STX11: variants seen among roughly 807,000 people sequenced by gnomAD.
STX11 encodes syntaxin-11.
In STX11, 21 loss-of-function variants were observed where a neutral mutation model predicts 19.9. The ratio of observed to expected loss-of-function variants is 1.06; its 90% confidence interval spans 0.75 to 1.52. The LOEUF (loss-of-function observed/expected upper bound fraction) is 1.52. STX11 is among the 40% of genes most tolerant of loss of function. The probability of loss-of-function intolerance (pLI) is 0.00; values close to 1 mark genes in which losing one functional copy is unlikely to be tolerated. For synonymous variants in STX11, 193 were observed against 174.4 expected, an observed-to-expected ratio of 1.11 and a Z score of -0.84; for missense variants, 438 against 405.9, an observed-to-expected ratio of 1.08 and a Z score of -0.68.
intron 1 of STX11, among the ~76,000 whole-genome samples, chr6:144,158,970 C>G (rs1426049897): frequency 6.6e-6 from 1 of 152,200 alleles, no homozygotes; most frequent in Non-Finnish European, 1.5e-5. Context: ...AGGATCAGCT[C>G]AGACACCACC....
At chr6:144,150,144 C>G (rs1188665032), upstream of STX11, among the ~76,000 whole-genome samples, 1 of 152,168 alleles carries the variant, frequency 6.6e-6, no homozygotes, top group Non-Finnish European at 1.5e-5. Flanking sequence ...CGCTCAGAGA[C>G]GGCTTCCAGC....
At chr6:144,164,321 A>G (rs948445747) in intron 1 of STX11, among the ~76,000 whole-genome samples, 2 of 152,224 alleles carry the variant, frequency 1.3e-5, no homozygotes, top group Admixed American at 1.3e-4. Context: ...GAATTGAGGT[A>G]TTTTAATATT....
chr6:144,174,929 T>C lies in STX11; in HGVS notation c.-5-11694T>C, dbSNP rs1418260130. The stretch of plus-strand genomic sequence containing the variant: ...AGAGGGGATCACTTGTGCTCCAGAG[T>C]TTGAGACCAGCCTGGGCAACAGGCA... On this transcript the variant is annotated intron_variant, in intron 1 of 1. Coordinates refer to ENST00000367568, the MANE Select transcript of STX11 (RefSeq NM_003764.4). This position sits in a 1 kb window ranked among gnomAD's most constrained non-coding sequence, Gnocchi z 5.3. 6.6e-6 allele frequency among the ~76,000 whole-genome samples: 1 copy of C among 152,062 alleles called. No individual in the cohort carries two copies. The highest frequency in any genetic ancestry group is 1.5e-5 in the Non-Finnish European group (1 of 67,998).
rs371929203 is a variant in STX11 at position 144,187,208 on chromosome 6, T to G, written c.581T>G (p.Leu194Arg). Reference protein sequence around the residue: ...GKWDVFSENLLADVKGARAAL... With the variant: ...GKWDVFSENLRADVKGARAAL... The stretch of plus-strand genomic sequence containing the variant: ...TGGGACGTGTTTTCCGAGAACTTGC[T>G]GGCCGACGTGAAGGGCGCGCGGGCC... Residue 194 changes from leucine to arginine, a missense_variant, in exon 2 of 2, where the codon CTG becomes CGG. Physicochemically the swap from Leu to Arg is moderately radical, Grantham distance 102. Transcript: ENST00000367568. The surrounding 1 kb of genome is among the most constrained non-coding windows in gnomAD (Gnocchi z 5.6). The G allele has an allele frequency of 1.2e-6, 2 of 1,613,938 alleles. No homozygotes were observed. Among genetic ancestry groups the G allele is most frequent in the Non-Finnish European group, 1.7e-6 (2 of 1,179,976 alleles).
chr6:144,187,859 A>G lies in STX11; in HGVS notation c.*368A>G, dbSNP rs1802104648. 2 of 395,558 alleles carry G rather than the reference A, an allele frequency of 5.1e-6. No homozygotes were observed. The highest frequency in any genetic ancestry group is 9.7e-6 in the Non-Finnish European group (2 of 207,120). The allele number at this position is 395,558 out of a possible 1,614,324, so 24.5% of individuals were successfully genotyped here. On this transcript the variant is annotated 3_prime_UTR_variant, in exon 2 of 2. Coordinates refer to ENST00000367568, the MANE Select transcript of STX11 (RefSeq NM_003764.4). The surrounding 1 kb of genome is among the most constrained non-coding windows in gnomAD (Gnocchi z 5.6). ...GACTCAAGGAGGAAGTCAATTGGGC[A>G]TCTGCTAATAGAATGAACTCATGAT... is the stretch of plus-strand genomic sequence containing the variant.
At chr6:144,147,604 G>A (rs1291728232), upstream of STX11, among the ~76,000 whole-genome samples, 2 of 152,026 alleles carry the variant, frequency 1.3e-5, no homozygotes, top group Non-Finnish European at 2.9e-5. This position sits in a 1 kb window ranked among gnomAD's most constrained non-coding sequence, Gnocchi z 4.2. Flanking sequence ...CACCATCCCA[G>A]ACTCACCTAA....
intron 1 of STX11, among the ~76,000 whole-genome samples, chr6:144,186,172 T>TG (rs1340229274): frequency 2.6e-5 from 2 of 75,642 alleles, no homozygotes; most frequent in African/African-American, 5.4e-5. Flanking sequence ...TGTTGTGGGG[T>TG]GGGGGGAGGG....
In STX11 at chr6:144,186,726, C is replaced by G. The variant is rs756068979; in HGVS notation, c.99C>G (p.Ile33Met). ...DDEFDSPHEDIVFETDHILES... is the reference protein window; with the variant it reads ...DDEFDSPHEDMVFETDHILES... ...AGTTTGACTCGCCCCACGAGGACATCGTGTTCGAGACGGACCACATCCTGG... is the reference window on the plus strand; with the variant it reads ...AGTTTGACTCGCCCCACGAGGACATGGTGTTCGAGACGGACCACATCCTGG... The change falls in exon 2 of 2, where the codon ATC becomes ATG. Residue 33 changes from isoleucine to methionine, a missense_variant. By Grantham distance (10) the Ile-to-Met change is conservative (BLOSUM62 1). Transcript: ENST00000367568. 4 of 1,614,194 alleles carry G rather than the reference C, an allele frequency of 2.5e-6. No individual in the cohort carries two copies. The South Asian group carries it at 4.4e-5, about 18-fold the overall frequency.
At position 144,150,635 on chromosome 6, in the gene STX11, G is replaced by C. The variant is rs907745262; in HGVS notation, c.-74G>C. On this transcript the variant is annotated 5_prime_UTR_variant, in exon 1 of 2. Transcript: ENST00000367568. ...GCAACAGGTTTCCTTCTCCATCGCTGCGCCCACAGGGGACGCGCGCCCTGC... is the reference window on the plus strand; with the variant it reads ...GCAACAGGTTTCCTTCTCCATCGCTCCGCCCACAGGGGACGCGCGCCCTGC... 4.1e-5 allele frequency: 40 copies of C among 985,322 alleles called. No individual in the cohort carries two copies. The highest frequency in any genetic ancestry group is 4.8e-5 in the Non-Finnish European group (40 of 829,964). 61.0% of individuals were successfully genotyped at this position (985,322 alleles called of 1,614,324 possible). A position where few individuals can be genotyped will look rare whatever the true frequency, so the allele number is the denominator to read the frequency against.
rs993592346 is a variant in STX11, at chr6:144,154,193, G to A, written c.-6+3490G>A. ...CTGAAGCACCCTGCTGTGATGTGCTGTCTTGATGAATGAATCAATGAGGTT... is the reference window on the plus strand; with the variant it reads ...CTGAAGCACCCTGCTGTGATGTGCTATCTTGATGAATGAATCAATGAGGTT... On this transcript the variant is annotated intron_variant, in intron 1 of 1. Coordinates refer to ENST00000367568, the MANE Select transcript of STX11 (RefSeq NM_003764.4). The surrounding 1 kb of genome is among the most constrained non-coding windows in gnomAD (Gnocchi z 4.7). Among the ~76,000 whole-genome samples, 1 of 152,204 alleles carries A rather than the reference G, an allele frequency of 6.6e-6. No homozygotes were observed. Among genetic ancestry groups the A allele is most frequent in the Non-Finnish European group, 1.5e-5 (1 of 68,032 alleles).
Position 144,183,210 on chromosome 6 carries a change from A to G in STX11, c.-5-3413A>G, listed in dbSNP as rs1257751716. Among the ~76,000 whole-genome samples the G allele has an allele frequency of 6.6e-6, 1 of 152,224 alleles. No individual in the cohort carries two copies. Among genetic ancestry groups the G allele is most frequent in the Non-Finnish European group, 1.5e-5 (1 of 68,038 alleles). On this transcript the variant is annotated intron_variant, in intron 1 of 1. Transcript: ENST00000367568. This position sits in a 1 kb window ranked among gnomAD's most constrained non-coding sequence, Gnocchi z 4.6. ...TATAATTAACACTTTGATGTGTATT[A>G]CTCAAGTTTCTGTTTCAGAATGCTG...
At chr6:144,140,929 A>G in the STX11 span, 1 of 404,498 alleles carries the variant, frequency 2.5e-6, no homozygotes, top group Non-Finnish European at 3.3e-6. Flanking sequence ...CTTGTTGAAA[A>G]CTAATTATTC....
In STX11 at chr6:144,160,228, A is replaced by G. The variant is rs1584022691; in HGVS notation, c.-6+9525A>G. Among the ~76,000 whole-genome samples the G allele has an allele frequency of 1.3e-5, 2 of 151,612 alleles. No homozygotes were observed. On this transcript the variant is annotated intron_variant, in intron 1 of 1. Coordinates refer to ENST00000367568, the MANE Select transcript of STX11 (RefSeq NM_003764.4). The surrounding 1 kb of genome is among the most constrained non-coding windows in gnomAD (Gnocchi z 4.3). The stretch of plus-strand genomic sequence containing the variant: ...CTATATTTGGCCAGGCTGGTCTCGA[A>G]CTCCTGACCTCAGGTGAACCGCCTG...
At chr6:144,143,387 G>C in the STX11 span, among the ~76,000 whole-genome samples, 1 of 152,112 alleles carries the variant, frequency 6.6e-6, no homozygotes, top group Non-Finnish European at 1.5e-5. Context: ...ATTCAAATTA[G>C]GATAATTCAA....
Position 144,190,620 on chromosome 6 carries a change from A to G in STX11, c.*3129A>G, listed in dbSNP as rs146959067. Among the ~76,000 whole-genome samples, 1 of 151,914 alleles carries G rather than the reference A, an allele frequency of 6.6e-6. No individual in the cohort carries two copies. The highest frequency in any genetic ancestry group is 2.4e-5 in the African/African-American group (1 of 41,392). ...TGACAGTCATAAAGATGTTTTCACT[A>G]TGGCATTTCTATCCCTGTGTATATC... On this transcript the variant is annotated 3_prime_UTR_variant, in exon 2 of 2. Coordinates refer to ENST00000367568, the MANE Select transcript of STX11 (RefSeq NM_003764.4).
rs1437100613 is a variant in STX11 at position 144,175,992 on chromosome 6, G to A, written c.-5-10631G>A. Among the ~76,000 whole-genome samples, 2 of 152,172 alleles carry A rather than the reference G, an allele frequency of 1.3e-5. No homozygotes were observed. Among genetic ancestry groups the A allele is most frequent in the South Asian group, 2.1e-4 (1 of 4,830 alleles). On this transcript the variant is annotated intron_variant, in intron 1 of 1. Transcript: ENST00000367568. This position sits in a 1 kb window ranked among gnomAD's most constrained non-coding sequence, Gnocchi z 5.1. The stretch of plus-strand genomic sequence containing the variant: ...ATTTCACCCACCCCACCCAGGGGTA[G>A]TGCAGAGACAACACAGGTTCTCTGC...
chr6:144,166,854 C>A, intron 1 of STX11, among the ~76,000 whole-genome samples: 1 of 141,460 alleles, frequency 7.1e-6, no homozygotes, highest in East Asian at 2.4e-4. Context: ...CCTTCCCTTC[C>A]CTCCCCTCCC....
intron 1 of STX11, among the ~76,000 whole-genome samples, chr6:144,178,741 C>A (rs2128753884): frequency 6.6e-6 from 1 of 152,248 alleles, no homozygotes; most frequent in Non-Finnish European, 1.5e-5. Flanking sequence ...TAAACCATTT[C>A]AATTAATACT....
chr6:144,174,852 G>T lies in STX11; in HGVS notation c.-5-11771G>T, dbSNP rs1801738409. 6.6e-6 allele frequency among the ~76,000 whole-genome samples: 1 copy of T among 152,120 alleles called. No homozygotes were observed. Among genetic ancestry groups the T allele is most frequent in the African/African-American group, 2.4e-5 (1 of 41,422 alleles). The stretch of plus-strand genomic sequence containing the variant: ...TCTGGTACTACAATACTAACATTAG[G>T]CCAGGCACAGTGGCACACATCTGTA... On this transcript the variant is annotated intron_variant, in intron 1 of 1. Coordinates refer to ENST00000367568, the MANE Select transcript of STX11 (RefSeq NM_003764.4). The surrounding 1 kb of genome is among the most constrained non-coding windows in gnomAD (Gnocchi z 5.3).
Sources: gnomAD v4.1 joint callset for allele counts (sites outside exome capture counted in the v4.1 genomes callset) on GRCh38, gnomAD v4.1.1 for gene constraint, Gnocchi (gnomAD v3.1) non-coding constraint, MANE v1.5 for transcripts, NCBI Gene and HGNC (gene_info 2026-07-23, HGNC 2026-07-21) for gene names.